The following FBXL7 variants were observed in gnomAD, a reference collection of about 807,000 sequenced individuals.
FBXL7 encodes the protein F-box/LRR-repeat protein 7.
Under a neutral mutation model 38.3 loss-of-function variants are expected in FBXL7, and 12 were observed. The ratio of observed to expected loss-of-function variants is 0.31; its 90% CI spans 0.20 to 0.51. The LOEUF is 0.51. Among genes scored for constraint, FBXL7 ranks in the 20% least tolerant of loss-of-function variants. FBXL7 has a pLI of 0.98. For synonymous variants in FBXL7, 297 were observed against 300.9 expected, an observed-to-expected ratio of 0.99 and a Z score of 0.13; for missense variants, 567 against 676.4, an observed-to-expected ratio of 0.84 and a Z score of 1.79.
At chr5:15,841,655 G>A (rs1360334816) in intron 2 of FBXL7, among the ~76,000 whole-genome samples, 1 of 152,114 alleles carries the variant, frequency 6.6e-6, no homozygotes, top group Non-Finnish European at 1.5e-5. Context: ...TCCCTATGAG[G>A]GAAAAATGGT....
In FBXL7 at chr5:15,937,190, G is replaced by T; in HGVS notation, c.*4G>T. 6.3e-7 allele frequency: 1 copy of T among 1,578,884 alleles called. No homozygotes were observed. The highest frequency in any genetic ancestry group is 1.1e-5 in the South Asian group (1 of 88,232). ...CACCAACCCGGCTTTCTTCTGAAGG[G>T]ACAGAGTTCATCCGGCGTTGTATTC... On this transcript the variant is annotated 3_prime_UTR_variant, in exon 4 of 4. Transcript: ENST00000504595.
At chr5:15,563,971 C>T (rs1393274714) in intron 1 of FBXL7, among the ~76,000 whole-genome samples, 1 of 152,002 alleles carries the variant, frequency 6.6e-6, no homozygotes, top group Non-Finnish European at 1.5e-5. Flanking sequence ...TTTCAGTGTC[C>T]AGCCTCAGCA....
intron 2 of FBXL7, among the ~76,000 whole-genome samples, chr5:15,897,724 A>C (rs115692887): frequency 4.4e-4 from 67 of 152,306 alleles, no homozygotes; most frequent in African/African-American, 1.6e-3. Context: ...GGAGAAGAGG[A>C]TGAAAAATTG....
chr5:15,810,690 T>G (rs987739336), intron 2 of FBXL7, among the ~76,000 whole-genome samples: 1 of 152,192 alleles, frequency 6.6e-6, no homozygotes, highest in Non-Finnish European at 1.5e-5. Flanking sequence ...AGCTGTTATA[T>G]TGTTAGTTAT....
chr5:15,509,031 T>TGTTTATG (rs766162482), intron 1 of FBXL7, among the ~76,000 whole-genome samples: 38 of 152,266 alleles, frequency 2.5e-4, no homozygotes, highest in Admixed American at 7.2e-4. Context: ...CCCTTAATTG[T>TGTTTATG]GTTTATGGTG....
intron 2 of FBXL7, among the ~76,000 whole-genome samples, chr5:15,865,339 G>A (rs554070234): frequency 6.6e-6 from 1 of 152,308 alleles, no homozygotes; most frequent in South Asian, 2.1e-4. Flanking sequence ...AGACTGATTA[G>A]ATCCTGGTCC....
intron 2 of FBXL7, among the ~76,000 whole-genome samples, chr5:15,812,862 A>G (rs187582421): frequency 2.0e-4 from 30 of 152,200 alleles, no homozygotes; most frequent in African/African-American, 7.2e-4. Context: ...TGTAAGTTGT[A>G]TTCCTAAGTA....
At chr5:15,709,221 T>C (rs933136038) in intron 2 of FBXL7, among the ~76,000 whole-genome samples, 1 of 152,112 alleles carries the variant, frequency 6.6e-6, no homozygotes, top group Non-Finnish European at 1.5e-5. Context: ...AGTTAAGATA[T>C]TACACTGTGG....
chr5:15,629,052 A>T (rs901773126), intron 2 of FBXL7, among the ~76,000 whole-genome samples: 4 of 151,646 alleles, frequency 2.6e-5, no homozygotes, highest in Non-Finnish European at 4.4e-5. Context: ...CTGAGGTGGG[A>T]GGGTTGCTTG....
intron 2 of FBXL7, among the ~76,000 whole-genome samples, chr5:15,860,052 C>G (rs529399571): frequency 6.6e-6 from 1 of 152,220 alleles, no homozygotes; most frequent in African/African-American, 2.4e-5. Flanking sequence ...TATTAGGGGA[C>G]TGTACATCAT....
chr5:15,730,952 C>T (rs1468604536), intron 2 of FBXL7, among the ~76,000 whole-genome samples: 1 of 152,120 alleles, frequency 6.6e-6, no homozygotes, highest in South Asian at 2.1e-4. Flanking sequence ...AACTCCATGC[C>T]TATCATGAAG....
chr5:15,637,841 G>T (rs905748797), intron 2 of FBXL7, among the ~76,000 whole-genome samples: 1 of 152,210 alleles, frequency 6.6e-6, no homozygotes, highest in Admixed American at 6.5e-5. Context: ...CCCAGCAAAA[G>T]CGATGTCATA....
intron 1 of FBXL7, among the ~76,000 whole-genome samples, chr5:15,591,867 C>G (rs1580390261): frequency 6.6e-6 from 1 of 152,134 alleles, no homozygotes. Flanking sequence ...CGCACCACCA[C>G]ACCCAGCTAA....
chr5:15,877,790 G>A (rs1256342024), intron 2 of FBXL7, among the ~76,000 whole-genome samples: 3 of 152,138 alleles, frequency 2.0e-5, no homozygotes, highest in Non-Finnish European at 4.4e-5. Flanking sequence ...CTGATCACCT[G>A]TTTGCTAAAG....
At chr5:15,826,312 G>A (rs912617552) in intron 2 of FBXL7, among the ~76,000 whole-genome samples, 2 of 152,222 alleles carry the variant, frequency 1.3e-5, no homozygotes, top group Non-Finnish European at 2.9e-5. Flanking sequence ...GAAACTCTCA[G>A]AGAAAGTATT....
At chr5:15,876,679 A>G (rs1740222517) in intron 2 of FBXL7, among the ~76,000 whole-genome samples, 1 of 152,190 alleles carries the variant, frequency 6.6e-6, no homozygotes, top group Non-Finnish European at 1.5e-5. Context: ...ACCTGTATCT[A>G]TTTTTTAACC....
intron 2 of FBXL7, among the ~76,000 whole-genome samples, chr5:15,738,297 A>C (rs1331319289): frequency 6.6e-6 from 1 of 152,220 alleles, no homozygotes; most frequent in African/African-American, 2.4e-5. Flanking sequence ...ATAATAAAGA[A>C]AGTGCTTTAT....
chr5:15,553,234 G>A (rs1349573061), intron 1 of FBXL7, among the ~76,000 whole-genome samples: 1 of 151,992 alleles, frequency 6.6e-6, no homozygotes, highest in Non-Finnish European at 1.5e-5. Context: ...CAACACCCTG[G>A]CCCACTTGTC....
intron 2 of FBXL7, among the ~76,000 whole-genome samples, chr5:15,693,919 C>T (rs933767058): frequency 2.0e-5 from 3 of 152,200 alleles, no homozygotes; most frequent in Admixed American, 2.0e-4. Flanking sequence ...TCTCCAAGCC[C>T]ACGTGTGATC....
Sources: allele counts gnomAD v4.1 joint callset (sites outside exome capture counted in the v4.1 genomes callset), GRCh38; gene constraint gnomAD v4.1.1; transcripts MANE v1.5; gene names NCBI Gene and HGNC (gene_info 2026-07-23, HGNC 2026-07-21).